NTM: variants seen among roughly 807,000 people sequenced by gnomAD.
NTM encodes the protein IgLON family member 2.
Under a neutral mutation model 42.1 loss-of-function variants are expected in NTM, and 13 were observed. The ratio of observed to expected loss-of-function variants is 0.31; its 90% CI spans 0.20 to 0.49. The LOEUF (loss-of-function observed/expected upper bound fraction) is 0.49. NTM is among the 20% of genes least tolerant of loss of function. The pLI is 0.99. For synonymous variants in NTM, 187 were observed against 179.2 expected, an observed-to-expected ratio of 1.04 and a Z score of -0.35; for missense variants, 373 against 452.8, an observed-to-expected ratio of 0.82 and a Z score of 1.60.
At chr11:131,988,874 ATTTC>A (rs2066524589) in intron 2 of NTM, among the ~76,000 whole-genome samples, 1 of 152,182 alleles carries the variant, frequency 6.6e-6, no homozygotes, top group African/African-American at 2.4e-5. Flanking sequence ...ACACTGTTAT[ATTTC>A]TTTATTTTAA....
At chr11:132,160,607 G>A (rs1038004506) in intron 3 of NTM, among the ~76,000 whole-genome samples, 4 of 152,200 alleles carry the variant, frequency 2.6e-5, no homozygotes, top group African/African-American at 9.7e-5. Flanking sequence ...TAATATGTGG[G>A]CGGGTGACTG....
chr11:131,881,147 C>G (rs546696476), intron 1 of NTM, among the ~76,000 whole-genome samples: 1 of 152,130 alleles, frequency 6.6e-6, no homozygotes, highest in African/African-American at 2.4e-5. Flanking sequence ...CCTAAGGAGG[C>G]CTTCGCTCAG....
chr11:131,765,892 G>A (rs2085018354), intron 1 of NTM, among the ~76,000 whole-genome samples: 1 of 152,186 alleles, frequency 6.6e-6, no homozygotes, highest in Admixed American at 6.5e-5. Context: ...GCAGTTACAA[G>A]TGGATTCTTA....
At chr11:131,609,072 A>G (rs1034626147) in intron 1 of NTM, among the ~76,000 whole-genome samples, 1 of 152,238 alleles carries the variant, frequency 6.6e-6, no homozygotes, top group African/African-American at 2.4e-5. Flanking sequence ...CTGGGGGTGC[A>G]TGGGTCAGGA....
intron 1 of NTM, among the ~76,000 whole-genome samples, chr11:131,895,064 G>A (rs771466258): frequency 1.1e-4 from 16 of 152,184 alleles, no homozygotes; most frequent in Admixed American, 9.2e-4. Context: ...TATTTCTGGA[G>A]GGATTCTGCT....
chr11:131,993,812 C>A (rs1490086009), intron 2 of NTM, among the ~76,000 whole-genome samples: 2 of 151,802 alleles, frequency 1.3e-5, no homozygotes, highest in Admixed American at 1.3e-4. Flanking sequence ...ACCAGCCTGG[C>A]CAAGATGGTA....
chr11:132,093,576 C>A (rs989843488), intron 2 of NTM, among the ~76,000 whole-genome samples: 5 of 152,178 alleles, frequency 3.3e-5, no homozygotes, highest in Admixed American at 3.3e-4. Flanking sequence ...CACACACATA[C>A]ACATTTATAA....
intron 1 of NTM, among the ~76,000 whole-genome samples, chr11:131,515,383 C>A (rs1209803776): frequency 1.3e-5 from 2 of 152,198 alleles, no homozygotes; most frequent in African/African-American, 4.8e-5. Flanking sequence ...GCCCAGTCCT[C>A]TCCCTGTGGT....
At chr11:131,479,008 C>G (rs1565544544) in intron 1 of NTM, among the ~76,000 whole-genome samples, 2 of 152,202 alleles carry the variant, frequency 1.3e-5, no homozygotes, top group Non-Finnish European at 2.9e-5. Context: ...AGCACTGATT[C>G]CTAGTGCCCC....
intron 2 of NTM, among the ~76,000 whole-genome samples, chr11:132,000,097 C>G (rs1382425605): frequency 6.6e-6 from 1 of 152,178 alleles, no homozygotes; most frequent in Non-Finnish European, 1.5e-5. Flanking sequence ...CAGGTGAGCA[C>G]AGGCTGACTT....
In NTM at chr11:131,527,130, C is replaced by T. The variant is rs554942112; in HGVS notation, c.82+156242C>T. Among the ~76,000 whole-genome samples the T allele has an allele frequency of 2.6e-5, 4 of 152,288 alleles. No homozygotes were observed. In the South Asian group the frequency reaches 8.3e-4, roughly 32 times the overall value. Reference sequence around the variant, plus strand: ...TTTGCCCACACTGTGTCTGATGTACCTATGTGTAACCCCCCTGGTCTCCCA... The same window carrying T: ...TTTGCCCACACTGTGTCTGATGTACTTATGTGTAACCCCCCTGGTCTCCCA... On this transcript the variant is annotated intron_variant, in intron 1 of 8. Transcript: ENST00000683400.
intron 1 of NTM, among the ~76,000 whole-genome samples, chr11:131,849,041 A>G (rs1339055397): frequency 6.6e-6 from 1 of 152,208 alleles, no homozygotes; most frequent in Non-Finnish European, 1.5e-5. Context: ...CATTTCTCCT[A>G]ATAATGACGT....
At chr11:132,073,518 T>C (rs1424780692) in intron 2 of NTM, among the ~76,000 whole-genome samples, 1 of 152,156 alleles carries the variant, frequency 6.6e-6, no homozygotes, top group Admixed American at 6.5e-5. Flanking sequence ...TCCACCTTCT[T>C]TCCAAAAAAG....
At chr11:131,794,212 G>T (rs973294093) in intron 1 of NTM, among the ~76,000 whole-genome samples, 1 of 152,098 alleles carries the variant, frequency 6.6e-6, no homozygotes, top group Non-Finnish European at 1.5e-5. Flanking sequence ...CGCACCTCTG[G>T]CTTGGGAGGG....
intron 1 of NTM, among the ~76,000 whole-genome samples, chr11:131,666,451 T>G (rs1019760292): frequency 1.3e-5 from 2 of 152,158 alleles, no homozygotes; most frequent in Non-Finnish European, 2.9e-5. Context: ...ATACCACAAA[T>G]GCACAAGGCG....
chr11:131,706,699 A>G (rs1032109320), intron 1 of NTM, among the ~76,000 whole-genome samples: 10 of 152,106 alleles, frequency 6.6e-5, no homozygotes, highest in Non-Finnish European at 5.9e-5. Context: ...AAATTTACAA[A>G]TATGTAGAAA....
intron 1 of NTM, among the ~76,000 whole-genome samples, chr11:131,494,932 A>G (rs192405812): frequency 6.9e-4 from 105 of 152,352 alleles, no homozygotes; most frequent in African/African-American, 2.2e-3. Context: ...CTTCATTAAA[A>G]TATGTATGAC....
At chr11:131,505,157 C>T (rs967437521) in intron 1 of NTM, among the ~76,000 whole-genome samples, 1 of 151,982 alleles carries the variant, frequency 6.6e-6, no homozygotes, top group Middle Eastern at 3.2e-3. Context: ...TTACCTGTCC[C>T]ACAGGAGTGG....
At chr11:131,580,393 C>A (rs781055317) in intron 1 of NTM, among the ~76,000 whole-genome samples, 1 of 152,054 alleles carries the variant, frequency 6.6e-6, no homozygotes, top group African/African-American at 2.4e-5. Flanking sequence ...CCACTGACAG[C>A]GATTTGGCCC....
Sources: allele counts gnomAD v4.1 joint callset (sites outside exome capture counted in the v4.1 genomes callset), GRCh38; gene constraint gnomAD v4.1.1; transcripts MANE v1.5; gene names NCBI Gene and HGNC (gene_info 2026-07-23, HGNC 2026-07-21).